MCTP1: variants seen among roughly 807,000 people sequenced by gnomAD.
MCTP1 encodes multiple C2 and transmembrane domain containing 1.
In MCTP1, 69 loss-of-function variants were observed where a neutral mutation model predicts 120.6. The ratio of observed to expected loss-of-function variants is 0.57; its 90% CI spans 0.47 to 0.70. The LOEUF (loss-of-function observed/expected upper bound fraction) is 0.70. MCTP1 is among the 30% of genes least tolerant of loss of function. The pLI, the probability that MCTP1 is intolerant of heterozygous loss-of-function variation, is 0.00. For synonymous variants in MCTP1, 529 were observed against 493.1 expected (o/e 1.07, Z -0.96); for missense variants, 1,203 against 1,248.8 (o/e 0.96, Z 0.55).
intron 5 of MCTP1, 73 bp from the exon 6 acceptor site, chr5:94,932,064 C>T (rs367930630): frequency 1.5e-4 from 157 of 1,058,324 alleles, no homozygotes; most frequent in African/African-American, 1.2e-3. Context: ...TGTTTTTTAG[C>T]GGAAACATTT....
chr5:95,223,967 T>C (rs185798153), intron 1 of MCTP1, among the ~76,000 whole-genome samples: 35 of 152,346 alleles, frequency 2.3e-4, no homozygotes, highest in Admixed American at 1.5e-3. Context: ...ACTATTTTCA[T>C]AGTAAACAAT....
intron 1 of MCTP1, among the ~76,000 whole-genome samples, chr5:95,191,921 C>CT (rs1298104192): frequency 6.6e-6 from 1 of 151,996 alleles, no homozygotes; most frequent in Non-Finnish European, 1.5e-5. Context: ...TTCACAAATT[C>CT]TACACTTTGA....
At chr5:95,173,784 A>T (rs149629892) in intron 1 of MCTP1, among the ~76,000 whole-genome samples, 104 of 152,188 alleles carry the variant, frequency 6.8e-4, no homozygotes, top group Admixed American at 2.5e-3. Flanking sequence ...AACAACCACA[A>T]AGCAATCTGG....
At chr5:95,147,223 A>C (rs961205915) in intron 1 of MCTP1, among the ~76,000 whole-genome samples, 35 of 152,064 alleles carry the variant, frequency 2.3e-4, no homozygotes, top group African/African-American at 8.0e-4. Flanking sequence ...AGCAGCTGGG[A>C]CTACAGGTGC....
At chr5:95,273,608 A>G (rs1162776354) in intron 1 of MCTP1, among the ~76,000 whole-genome samples, 1 of 152,178 alleles carries the variant, frequency 6.6e-6, no homozygotes, top group Non-Finnish European at 1.5e-5. Flanking sequence ...ATTAACACTC[A>G]CTACTTTCAG....
At chr5:95,250,804 T>TA (rs1047544372) in intron 1 of MCTP1, among the ~76,000 whole-genome samples, 7 of 152,220 alleles carry the variant, frequency 4.6e-5, no homozygotes, top group African/African-American at 1.4e-4. Context: ...ATTATATTTT[T>TA]AAAGTGCATA....
intron 2 of MCTP1, among the ~76,000 whole-genome samples, chr5:94,983,767 T>C (rs377660465): frequency 5.3e-5 from 8 of 152,200 alleles, no homozygotes; most frequent in African/African-American, 9.6e-5. Context: ...CCCAATGCAA[T>C]AGAACAATTA....
At chr5:95,196,673 T>C (rs1026395813) in intron 1 of MCTP1, among the ~76,000 whole-genome samples, 5 of 152,174 alleles carry the variant, frequency 3.3e-5, no homozygotes, top group African/African-American at 1.2e-4. Context: ...GGGTCAGTGT[T>C]AGCACTGGGC....
intron 18 of MCTP1, among the ~76,000 whole-genome samples, chr5:94,785,497 C>T (rs754676968): frequency 6.6e-6 from 1 of 151,878 alleles, no homozygotes; most frequent in Non-Finnish European, 1.5e-5. Context: ...AAAGTATACA[C>T]CAAAGGCCAA....
chr5:95,253,267 A>G (rs558793531), intron 1 of MCTP1, among the ~76,000 whole-genome samples: 11 of 152,254 alleles, frequency 7.2e-5, no homozygotes, highest in African/African-American at 2.2e-4. Context: ...TTCATTTCTA[A>G]AATATCCCTT....
At chr5:95,117,877 G>A (rs1757935116) in intron 1 of MCTP1, among the ~76,000 whole-genome samples, 1 of 152,180 alleles carries the variant, frequency 6.6e-6, no homozygotes, top group African/African-American at 2.4e-5. Context: ...CATGCATGGA[G>A]CTGGAATCCA....
chr5:95,059,429 G>A (rs1350540227), intron 1 of MCTP1, among the ~76,000 whole-genome samples: 1 of 152,046 alleles, frequency 6.6e-6, no homozygotes, highest in Non-Finnish European at 1.5e-5. Flanking sequence ...AGAGAGGAAG[G>A]AGAGCAAAGG....
At chr5:94,980,270 A>G (rs903670096) in intron 2 of MCTP1, among the ~76,000 whole-genome samples, 3 of 152,136 alleles carry the variant, frequency 2.0e-5, no homozygotes, top group African/African-American at 7.2e-5. Flanking sequence ...TCATCTTCCC[A>G]CTTTCCAATG....
At chr5:95,069,592 G>A (rs558566961) in intron 1 of MCTP1, among the ~76,000 whole-genome samples, 3 of 152,052 alleles carry the variant, frequency 2.0e-5, no homozygotes, top group South Asian at 4.2e-4. Context: ...CAAGTATAAC[G>A]AAGGCACCCG....
intron 1 of MCTP1, among the ~76,000 whole-genome samples, chr5:95,140,896 A>AAC (rs1204055011): frequency 1.3e-5 from 2 of 149,630 alleles, no homozygotes; most frequent in East Asian, 3.9e-4. Context: ...AAAAAAAAAA[A>AAC]AAAAAAAAGT....
chr5:94,776,494 G>A (rs1775360737), intron 19 of MCTP1, among the ~76,000 whole-genome samples: 1 of 152,126 alleles, frequency 6.6e-6, no homozygotes, highest in African/African-American at 2.4e-5. Flanking sequence ...GTGGTAATCA[G>A]GGAAAGCCAA....
At chr5:94,849,560 T>G (rs966019739) in intron 17 of MCTP1, among the ~76,000 whole-genome samples, 1 of 152,114 alleles carries the variant, frequency 6.6e-6, no homozygotes, top group Non-Finnish European at 1.5e-5. Context: ...GTAAGCAATT[T>G]AGCGTCCCAA....
At chr5:95,187,492 C>T (rs182846317) in intron 1 of MCTP1, among the ~76,000 whole-genome samples, 56 of 152,204 alleles carry the variant, frequency 3.7e-4, no homozygotes, top group Admixed American at 2.0e-3. Context: ...CTCCACCTTC[C>T]GCGTTCAAGT....
chr5:94,804,214 C>A (rs1781790128), intron 17 of MCTP1, among the ~76,000 whole-genome samples: 1 of 152,150 alleles, frequency 6.6e-6, no homozygotes, highest in Admixed American at 6.5e-5. Context: ...GGGTAAAATA[C>A]AGTTTCGACT....
Sources: gnomAD v4.1 joint callset for allele counts (sites outside exome capture counted in the v4.1 genomes callset) on GRCh38, gnomAD v4.1.1 for gene constraint, MANE v1.5 for transcripts, NCBI Gene and HGNC (gene_info 2026-07-23, HGNC 2026-07-21) for gene names.